The following GPATCH2 variants were observed in gnomAD, a reference collection of about 807,000 sequenced individuals.
The protein encoded by GPATCH2 is G-patch domain containing 2, also known as G patch domain-containing protein 2.
In GPATCH2, 51 loss-of-function variants were observed where a neutral mutation model predicts 58.0. The ratio of observed to expected loss-of-function variants is 0.88; its 90% CI spans 0.70 to 1.11. The LOEUF is 1.11. Among genes scored for constraint, GPATCH2 ranks in the 50% most tolerant of loss-of-function variants. GPATCH2 has a pLI of 0.00. For synonymous variants in GPATCH2, 222 were observed against 218.5 expected, an observed-to-expected ratio of 1.02 and a Z score of -0.14; for missense variants, 625 against 652.2, an observed-to-expected ratio of 0.96 and a Z score of 0.45.
chr1:217,629,812 T>C (rs1045502852), intron 1 of GPATCH2, among the ~76,000 whole-genome samples: 1 of 152,202 alleles, frequency 6.6e-6, no homozygotes, highest in African/African-American at 2.4e-5. Flanking sequence ...ACAAATAGTA[T>C]AATCAAATCT....
chr1:217,562,569 A>G (rs1665980749), intron 5 of GPATCH2, among the ~76,000 whole-genome samples: 1 of 152,224 alleles, frequency 6.6e-6, no homozygotes, highest in African/African-American at 2.4e-5. Context: ...ATGAACCTAG[A>G]GTGAAAAGAT....
intron 5 of GPATCH2, among the ~76,000 whole-genome samples, chr1:217,531,746 T>C (rs1311451517): frequency 1.3e-5 from 2 of 152,010 alleles, no homozygotes; most frequent in Non-Finnish European, 2.9e-5. Flanking sequence ...AAAAGAAAAA[T>C]TGCTGAATTA....
intron 8 of GPATCH2, among the ~76,000 whole-genome samples, chr1:217,462,624 G>C (rs1310978129): frequency 2.6e-5 from 4 of 152,122 alleles, no homozygotes; most frequent in Non-Finnish European, 5.9e-5. Flanking sequence ...CTACCTCATA[G>C]GGTAATACTG....
intron 1 of GPATCH2, among the ~76,000 whole-genome samples, chr1:217,625,821 A>G (rs1450825640): frequency 1.3e-5 from 2 of 152,106 alleles, no homozygotes; most frequent in South Asian, 2.1e-4. Flanking sequence ...CATCTCTACT[A>G]AAAAATACAA....
intron 6 of GPATCH2, among the ~76,000 whole-genome samples, chr1:217,500,076 T>A (rs146626904): frequency 6.6e-6 from 1 of 152,144 alleles, no homozygotes; most frequent in Non-Finnish European, 1.5e-5. Context: ...GACATTATTA[T>A]GACTACATGA....
chr1:217,586,974 A>C (rs542322745), intron 5 of GPATCH2, among the ~76,000 whole-genome samples: 2 of 152,322 alleles, frequency 1.3e-5, no homozygotes, highest in East Asian at 3.9e-4. Context: ...AAAATTCTTG[A>C]TAGTAGTTAC....
intron 5 of GPATCH2, among the ~76,000 whole-genome samples, chr1:217,541,144 G>A (rs1357344409): frequency 6.6e-6 from 1 of 152,140 alleles, no homozygotes; most frequent in Non-Finnish European, 1.5e-5. Flanking sequence ...AGGTCCGTGA[G>A]CTCCTTTTGA....
At chr1:217,499,565 G>T (rs1180223344) in intron 6 of GPATCH2, among the ~76,000 whole-genome samples, 2 of 152,156 alleles carry the variant, frequency 1.3e-5, no homozygotes, top group Non-Finnish European at 2.9e-5. Flanking sequence ...CAAGCTCATA[G>T]ATAGTGATAG....
rs1249574776 is a variant in GPATCH2 at position 217,430,577 on chromosome 1, T to C, written c.*568A>G. ...TGTTTGTCAACTGTGAACTTCACAC[T>C]ACATTGTCTAAGGATAGAAAATTGA... On this transcript the variant is annotated 3_prime_UTR_variant, in exon 10 of 10. Coordinates refer to ENST00000366935, the MANE Select transcript of GPATCH2 (RefSeq NM_018040.5). 1 of 152,874 alleles carries C rather than the reference T, an allele frequency of 6.5e-6. No individual in the cohort carries two copies. Among genetic ancestry groups the C allele is most frequent in the Non-Finnish European group, 1.5e-5 (1 of 68,536 alleles). The allele number at this position is 152,874 out of a possible 1,614,324, so 9.5% of individuals were successfully genotyped here.
intron 5 of GPATCH2, among the ~76,000 whole-genome samples, chr1:217,515,765 C>A (rs1296746822): frequency 7.6e-5 from 11 of 145,026 alleles, no homozygotes; most frequent in Non-Finnish European, 1.2e-4. Context: ...TGTAAATATC[C>A]TTTAAAAAAA....
At position 217,453,711 on chromosome 1, in the gene GPATCH2, T is replaced by G. The variant is rs566153579; in HGVS notation, c.1278-4374A>C. Among the ~76,000 whole-genome samples, 220 of 152,212 alleles carry G rather than the reference T, an allele frequency of 1.4e-3. 1 individual carries two copies. The highest frequency in any genetic ancestry group is 4.9e-3 in the African/African-American group (202 of 41,544). Reference sequence around the variant, plus strand: ...CAAAAAACAGAAACAAAAACTCTACTGAGAACCACCTTGCCTGAAAACCTG... The same window carrying G: ...CAAAAAACAGAAACAAAAACTCTACGGAGAACCACCTTGCCTGAAAACCTG... On this transcript the variant is annotated intron_variant, in intron 8 of 9. Transcript: ENST00000366935.
intron 8 of GPATCH2, among the ~76,000 whole-genome samples, chr1:217,461,640 T>C (rs561338319): frequency 1.3e-5 from 2 of 152,332 alleles, no homozygotes; most frequent in East Asian, 3.9e-4. Context: ...ATTTCTTTAA[T>C]ATATAAATGC....
chr1:217,484,184 A>G (rs903453708), intron 8 of GPATCH2, among the ~76,000 whole-genome samples: 1 of 152,134 alleles, frequency 6.6e-6, no homozygotes, highest in Admixed American at 6.5e-5. Context: ...GAATTGGTAG[A>G]CTGAGTAGAT....
intron 8 of GPATCH2, among the ~76,000 whole-genome samples, chr1:217,466,640 C>T (rs1660465470): frequency 6.6e-6 from 1 of 152,034 alleles, no homozygotes. Context: ...CAATATTGCT[C>T]ACAGTAGGGA....
Position 217,589,317 on chromosome 1 carries a change from G to C in GPATCH2, c.1098+21004C>G, listed in dbSNP as rs74926118. On this transcript the variant is annotated intron_variant, in intron 5 of 9. Coordinates refer to ENST00000366935, the MANE Select transcript of GPATCH2 (RefSeq NM_018040.5). ...TACATTCCCCTCTAGAAGACACCAT[G>C]CTGCTTTATGACCTAAGTGCCTGCT... Among the ~76,000 whole-genome samples the C allele has an allele frequency of 8.0e-3, 1,207 of 150,646 alleles. 11 individuals carry two copies. The highest frequency in any genetic ancestry group is 0.028 in the African/African-American group (1,139 of 40,884).
chr1:217,491,566 A>T, intron 8 of GPATCH2, 114 bp downstream of exon 8: 1 of 486,968 alleles, frequency 2.1e-6, no homozygotes, highest in Non-Finnish European at 3.7e-6. Flanking sequence ...AATACATAAA[A>T]TATTTTAAGG....
intron 8 of GPATCH2, among the ~76,000 whole-genome samples, chr1:217,454,603 A>AC (rs1205891112): frequency 6.6e-6 from 1 of 150,442 alleles, no homozygotes; most frequent in Admixed American, 6.6e-5. Flanking sequence ...AAAAAAAAAA[A>AC]AAAAAAACCT....
intron 8 of GPATCH2, among the ~76,000 whole-genome samples, chr1:217,455,904 CAG>C (rs1659920113): frequency 6.6e-6 from 1 of 151,868 alleles, no homozygotes; most frequent in Admixed American, 6.6e-5. Context: ...AATGGTGTGG[CAG>C]AGAGAAGAGA....
At chr1:217,558,038 A>G (rs1391102005) in intron 5 of GPATCH2, among the ~76,000 whole-genome samples, 1 of 152,210 alleles carries the variant, frequency 6.6e-6, no homozygotes, top group African/African-American at 2.4e-5. Context: ...ATTTTCATGT[A>G]ATTTCATCAA....
Sources: gnomAD v4.1 joint callset for allele counts (sites outside exome capture counted in the v4.1 genomes callset) on GRCh38, gnomAD v4.1.1 for gene constraint, MANE v1.5 for transcripts, NCBI Gene and HGNC (gene_info 2026-07-23, HGNC 2026-07-21) for gene names.